Variants in JAG2 observed in about 807,000 individuals in gnomAD.
JAG2 encodes the protein jagged canonical Notch ligand 2.
Under a neutral mutation model 141.7 loss-of-function variants are expected in JAG2, and 46 were observed. The observed-to-expected ratio is 0.32, with a 90% CI of 0.26 to 0.42. The LOEUF (loss-of-function observed/expected upper bound fraction) is 0.42. Ranked by LOEUF, JAG2 falls within the 10% of genes least tolerant of loss-of-function variation. The pLI is 1.00. For synonymous variants in JAG2, 862 were observed against 763.5 expected (o/e 1.13, Z -2.13); for missense variants, 1,500 against 1,817.5 (o/e 0.83, Z 3.18).
Position 105,167,811 on chromosome 14 carries a change from G to A in JAG2, c.363C>T (p.Ala121=). The part of the protein sequence containing the change: ...AGDRARARAR[A]GGDQDPGLVV... ...CGAGGCCCGGGTCCTGGTCGCCGCC[G>A]GCCCGGGCCCGCGCCCGCGCTCGGT... Residue 121 remains alanine (A), a synonymous_variant, in exon 2 of 26, where the codon GCC becomes GCT. Coordinates refer to ENST00000331782, the MANE Select transcript of JAG2 (RefSeq NM_002226.5). The surrounding 1 kb of genome is among the most constrained non-coding windows in gnomAD (Gnocchi z 4.8). The A allele has an allele frequency of 3.4e-6, 5 of 1,464,006 alleles. No homozygotes were observed. The highest frequency in any genetic ancestry group is 1.3e-5 in the South Asian group (1 of 76,558). The allele number at this position is 1,464,006 out of a possible 1,614,324, so 90.7% of individuals were successfully genotyped here.
intron 5 of JAG2, among the ~76,000 whole-genome samples, chr14:105,155,027 G>A (rs1274540461): frequency 2.4e-5 from 2 of 83,468 alleles, no homozygotes; most frequent in East Asian, 8.5e-4. Context: ...GCCCCACAGC[G>A]GCCTCCCCCT....
At chr14:105,147,945 C>G in intron 17 of JAG2, 57 bp from the exon 18 acceptor site, 1 of 1,374,746 alleles carries the variant, frequency 7.3e-7, no homozygotes, top group Non-Finnish European at 1.0e-6. Context: ...GGCCCTGGGT[C>G]TCCATACCGC....
chr14:105,152,434 AG>A, intron 5 of JAG2, 143 bp from the exon 6 acceptor site: 1 of 963,254 alleles, frequency 1.0e-6, no homozygotes, highest in Non-Finnish European at 1.6e-6. Flanking sequence ...CCAGCCAGGC[AG>A]GGGTTGCAGC....
In JAG2 at chr14:105,141,459, T is replaced by C. The variant is rs1888057056; in HGVS notation, c.*1236A>G. 6.6e-6 allele frequency: 1 copy of C among 152,242 alleles called. No homozygotes were observed. Among genetic ancestry groups the C allele is most frequent in the Non-Finnish European group, 1.5e-5 (1 of 68,046 alleles). The allele number at this position is 152,242 out of a possible 1,614,324, so 9.4% of individuals were successfully genotyped here. On this transcript the variant is annotated 3_prime_UTR_variant, in exon 26 of 26. Transcript: ENST00000331782. ...ATTTTATAAAACTGTTTTCAGCTGT[T>C]TTAGTCAGGGTCGGGTGCCAGGCAC...
In JAG2 at chr14:105,168,346, C is replaced by T; in HGVS notation, c.66+9G>A. ...CCGCGACCCCCGCCGCCCCCGCCGC[C>T]CCGCTCACCTGCACCCAGAGCGCCA... On this transcript the variant is annotated intron_variant, in intron 1 of 25. Coordinates refer to ENST00000331782, the MANE Select transcript of JAG2 (RefSeq NM_002226.5). The T allele has an allele frequency of 1.1e-6, 1 of 949,294 alleles. No individual in the cohort carries two copies. The highest frequency in any genetic ancestry group is 1.3e-6 in the Non-Finnish European group (1 of 775,144). The allele number at this position is 949,294 out of a possible 1,614,324, so 58.8% of individuals were successfully genotyped here. A position where few individuals can be genotyped will look rare whatever the true frequency, so the allele number is the denominator to read the frequency against.
At position 105,143,167 on chromosome 14, in the gene JAG2, A is replaced by C. The variant is rs1378493237; in HGVS notation, c.3245T>G (p.Leu1082Arg). 6.3e-7 allele frequency: 1 copy of C among 1,597,900 alleles called. No homozygotes were observed. The highest frequency in any genetic ancestry group is 1.1e-5 in the South Asian group (1 of 91,026). Residue 1082 changes from leucine (L) to arginine (R), a missense_variant, in exon 26 of 26, where the codon CTG becomes CGG. Leu to Arg is a moderately radical substitution (Grantham distance 102). This residue lies in a region of JAG2 where 425 missense variants were observed against 441.0 expected (regional missense o/e 0.96). Coordinates refer to ENST00000331782, the MANE Select transcript of JAG2 (RefSeq NM_002226.5). ...GGCACCACACAGCACAGGCACCAGC[A>C]GACCTGGGGACCGGGGAGAAGAGCC... is the stretch of plus-strand genomic sequence containing the variant. ...TVVTGGSSTG[L>R]LVPVLCGAFS...
intron 2 of JAG2, among the ~76,000 whole-genome samples, chr14:105,165,588 C>A (rs898861481): frequency 3.9e-5 from 6 of 152,240 alleles, no homozygotes; most frequent in East Asian, 1.9e-4. Context: ...AGCACACAGA[C>A]CCCGGCCACA....
chr14:105,155,446 C>T lies in JAG2; in HGVS notation c.788+116G>A, dbSNP rs958304864. On this transcript the variant is annotated intron_variant, in intron 5 of 25. Transcript: ENST00000331782. ...CGAGCTCAGGGCCCGGCTCTCACAG[C>T]TGTGTGCCCAACCTCCAGCCAGCTC... The T allele has an allele frequency of 6.8e-6, 8 of 1,168,706 alleles. No individual in the cohort carries two copies. In the Admixed American group the frequency reaches 1.3e-4, roughly 20 times the overall value. 72.4% of individuals were successfully genotyped at this position (1,168,706 alleles called of 1,614,324 possible). A position where few individuals can be genotyped will look rare whatever the true frequency, so the allele number is the denominator to read the frequency against.
chr14:105,156,453 C>G (rs1275289039), intron 3 of JAG2, among the ~76,000 whole-genome samples: 2 of 152,136 alleles, frequency 1.3e-5, no homozygotes, highest in Non-Finnish European at 2.9e-5. Context: ...GTGACTTGCT[C>G]CCAGAAGTGC....
chr14:105,146,050 A>C lies in JAG2; in HGVS notation c.2710-77T>G, dbSNP rs888637031. On this transcript the variant is annotated intron_variant, in intron 22 of 25. Transcript: ENST00000331782. ...TGCAGGCACACAGATGAGAACCCAC[A>C]GGCAGGCACGGGCCCCATGCCAAGG... 3.2e-6 allele frequency: 5 copies of C among 1,546,584 alleles called. No individual in the cohort carries two copies. In the African/African-American group the frequency reaches 6.8e-5, roughly 21 times the overall value.
rs1413207667 is a variant in JAG2 at position 105,143,093 on chromosome 14, G to A, written c.3319C>T (p.Arg1107Cys). ...ACVVLCVWWT[R>C]KRRKERERSR... ...CTCTCCCGCTCTTTCCTGCGCTTGC[G>A]TGTCCACCACACGCACAGGACCACG... Residue 1107 changes from arginine (R) to cysteine (C), a missense_variant, in exon 26 of 26, where the codon CGC becomes TGC. Around this residue, in one of 3 missense-constraint regions of JAG2, gnomAD observed 425 missense variants for 441.0 expected, o/e 0.96. Coordinates refer to ENST00000331782, the MANE Select transcript of JAG2 (RefSeq NM_002226.5). 3.1e-6 allele frequency: 5 copies of A among 1,599,826 alleles called. No individual in the cohort carries two copies. Among genetic ancestry groups the A allele is most frequent in the Non-Finnish European group, 4.2e-6 (5 of 1,179,590 alleles).
chr14:105,147,934 T>C (rs1595175026), intron 17 of JAG2, 46 bp from the exon 18 acceptor site: 3 of 1,431,108 alleles, frequency 2.1e-6, no homozygotes, highest in Non-Finnish European at 1.9e-6. Context: ...GGCCCTGGGC[T>C]GGCCCTGGGT....
rs148251895 is a variant in JAG2 at position 105,146,765 on chromosome 14, C to T, written c.2480-41G>A. On this transcript the variant is annotated intron_variant, in intron 20 of 25. Coordinates refer to ENST00000331782, the MANE Select transcript of JAG2 (RefSeq NM_002226.5). ...CCGCTGCTCAGTGCAGTGAGGCCAA[C>T]GCCCACCGCAGGACCGGCATGGCCT... 6.9e-4 allele frequency: 1,038 copies of T among 1,498,150 alleles called. 7 individuals carry two copies. The African/African-American group carries it at 0.012, about 17-fold the overall frequency. The allele number at this position is 1,498,150 out of a possible 1,614,324, so 92.8% of individuals were successfully genotyped here.
intron 2 of JAG2, among the ~76,000 whole-genome samples, chr14:105,165,860 C>T (rs963035572): frequency 6.6e-6 from 1 of 152,278 alleles, no homozygotes; most frequent in African/African-American, 2.4e-5. Context: ...TCGGTCCTTG[C>T]CTTCCCATCA....
rs748531093 is a variant in JAG2, at chr14:105,145,717, A to T, written c.2952+14T>A. On this transcript the variant is annotated intron_variant, in intron 23 of 25. Transcript: ENST00000331782. ...TGTGGCCTCTGCAAGCTCAGATGCC[A>T]CCAGGCCCCTCACCTGGGGCACGTG... The T allele has an allele frequency of 6.3e-7, 1 of 1,586,304 alleles. No homozygotes were observed. The highest frequency in any genetic ancestry group is 1.2e-5 in the South Asian group (1 of 86,806).
intron 2 of JAG2, among the ~76,000 whole-genome samples, chr14:105,165,715 G>T (rs1458048921): frequency 6.6e-6 from 1 of 152,188 alleles, no homozygotes; most frequent in Non-Finnish European, 1.5e-5. Flanking sequence ...GCAGAGCCCA[G>T]ACTCCCCCAC....
intron 15 of JAG2, 74 bp downstream of exon 15, chr14:105,148,671 G>T: frequency 1.5e-6 from 2 of 1,303,620 alleles, no homozygotes; most frequent in Non-Finnish European, 2.1e-6. Context: ...CCCAGACAGC[G>T]GTCCATCTCA....
At chr14:105,159,418 T>C (rs1888666665) in intron 2 of JAG2, among the ~76,000 whole-genome samples, 1 of 151,318 alleles carries the variant, frequency 6.6e-6, no homozygotes, top group South Asian at 2.1e-4. Context: ...TTTTCCCACA[T>C]CCGCCATGGC....
chr14:105,152,516 G>A (rs908000350), intron 5 of JAG2, among the ~76,000 whole-genome samples: 4 of 152,276 alleles, frequency 2.6e-5, no homozygotes, highest in Non-Finnish European at 5.9e-5. Flanking sequence ...CAGCTGTCCC[G>A]TCACTCCTCC....
Sources: gnomAD v4.1 joint callset for allele counts (sites outside exome capture counted in the v4.1 genomes callset) on GRCh38, gnomAD v4.1.1 for gene constraint, gnomAD v4.1.1 regional missense constraint, Gnocchi (gnomAD v3.1) non-coding constraint, MANE v1.5 for transcripts, NCBI Gene and HGNC (gene_info 2026-07-23, HGNC 2026-07-21) for gene names.